The following LCLAT1 variants were observed in gnomAD, a reference collection of about 807,000 sequenced individuals.
The protein encoded by LCLAT1 is 1-AGP acyltransferase 8.
LCLAT1 carries 11 observed loss-of-function variants against 30.7 expected under a neutral mutation model. That is an observed-to-expected ratio of 0.36 (90% CI 0.23 to 0.59). The LOEUF is 0.59. LCLAT1 is among the 20% of genes least tolerant of loss of function. The pLI is 0.77. For synonymous variants in LCLAT1, 155 were observed against 151.3 expected (o/e 1.02, Z -0.18); for missense variants, 402 against 458.6 (o/e 0.88, Z 1.13).
chr2:30,578,875 CACA>C (rs1186158115), intron 5 of LCLAT1, among the ~76,000 whole-genome samples: 48 of 151,922 alleles, frequency 3.2e-4, no homozygotes, highest in African/African-American at 1.1e-3. Flanking sequence ...TCTTAATGAC[CACA>C]ACAAGTTCAT....
chr2:30,468,544 A>C (rs918431091), intron 1 of LCLAT1, among the ~76,000 whole-genome samples: 4 of 152,158 alleles, frequency 2.6e-5, no homozygotes, highest in Non-Finnish European at 5.9e-5. Flanking sequence ...ATTGAGGTGA[A>C]ATTTACTGTA....
At chr2:30,556,284 A>AT (rs1664915009) in intron 3 of LCLAT1, among the ~76,000 whole-genome samples, 1 of 152,166 alleles carries the variant, frequency 6.6e-6, no homozygotes, top group African/African-American at 2.4e-5. Context: ...ATTTCATGTA[A>AT]TTTTTTCATA....
At chr2:30,461,300 AC>A (rs1331654329) in intron 1 of LCLAT1, among the ~76,000 whole-genome samples, 1 of 152,092 alleles carries the variant, frequency 6.6e-6, no homozygotes, top group African/African-American at 2.4e-5. Flanking sequence ...CAGTGTGCTT[AC>A]CCTTTGACAG....
intron 5 of LCLAT1, 36 bp from the exon 6 acceptor site, chr2:30,640,081 C>G: frequency 6.5e-7 from 1 of 1,544,042 alleles, no homozygotes; most frequent in Non-Finnish European, 8.8e-7. Flanking sequence ...AAATTGAGCA[C>G]TGCTTAATCT....
At chr2:30,560,089 G>A (rs1665124498) in intron 3 of LCLAT1, among the ~76,000 whole-genome samples, 1 of 152,160 alleles carries the variant, frequency 6.6e-6, no homozygotes, top group East Asian at 1.9e-4. Context: ...GTCCTCAGAT[G>A]AAGGACAGAT....
intron 3 of LCLAT1, among the ~76,000 whole-genome samples, chr2:30,542,825 T>A (rs1247729779): frequency 6.6e-6 from 1 of 152,158 alleles, no homozygotes; most frequent in Admixed American, 6.5e-5. Flanking sequence ...GCAGTTGATT[T>A]TTGTATCCTG....
At chr2:30,447,518 C>T (rs1248782940) in intron 1 of LCLAT1, 135 bp downstream of exon 1, 6 of 152,266 alleles carry the variant, frequency 3.9e-5, no homozygotes, top group African/African-American at 4.8e-5. Context: ...CGGGCCGCGA[C>T]CTCGGGTAAC....
chr2:30,505,609 C>G (rs1212129365), intron 1 of LCLAT1, among the ~76,000 whole-genome samples: 3 of 151,978 alleles, frequency 2.0e-5, no homozygotes, highest in Admixed American at 2.0e-4. Context: ...AGTGAATGCA[C>G]CCTGTGTAAC....
intron 1 of LCLAT1, among the ~76,000 whole-genome samples, chr2:30,519,650 C>T (rs374919982): frequency 1.1e-3 from 166 of 152,256 alleles, no homozygotes; most frequent in South Asian, 3.9e-3. Flanking sequence ...ACTAAAATGC[C>T]CATTAGGCTA....
intron 4 of LCLAT1, 70 bp from the exon 5 acceptor site, chr2:30,567,990 T>C: frequency 1.3e-6 from 1 of 757,680 alleles, no homozygotes; most frequent in Non-Finnish European, 2.2e-6. Context: ...AAAAAAATTC[T>C]GCACTTCTTT....
chr2:30,628,689 A>G (rs1668627968), intron 5 of LCLAT1, among the ~76,000 whole-genome samples: 1 of 152,216 alleles, frequency 6.6e-6, no homozygotes, highest in African/African-American at 2.4e-5. Context: ...CCATAATTGA[A>G]ATACCAACTT....
At chr2:30,634,713 T>C (rs1651038841) in intron 5 of LCLAT1, among the ~76,000 whole-genome samples, 1 of 152,270 alleles carries the variant, frequency 6.6e-6, no homozygotes, top group Non-Finnish European at 1.5e-5. Flanking sequence ...GTTGTTTTCA[T>C]GCCAAAAGAT....
At chr2:30,639,383 T>TGACTGCTGAAAACGC (rs74765547) in intron 5 of LCLAT1, among the ~76,000 whole-genome samples, 1 of 152,080 alleles carries the variant, frequency 6.6e-6, no homozygotes, top group Non-Finnish European at 1.5e-5. Context: ...CTCTGGCCTG[T>TGACTGCTGAAAACGC]TTAAGTGAAA....
intron 3 of LCLAT1, among the ~76,000 whole-genome samples, chr2:30,534,616 C>G (rs1429766207): frequency 6.6e-6 from 1 of 152,172 alleles, no homozygotes; most frequent in Admixed American, 6.5e-5. Flanking sequence ...ATATCTTTAT[C>G]TTTCTCTTTG....
chr2:30,544,067 G>GT (rs775691326), intron 3 of LCLAT1, among the ~76,000 whole-genome samples: 9 of 152,032 alleles, frequency 5.9e-5, no homozygotes, highest in African/African-American at 1.4e-4. Context: ...TGCTATAGTT[G>GT]TGTGTTGTAT....
chr2:30,483,658 A>G (rs1368052631), intron 1 of LCLAT1, among the ~76,000 whole-genome samples: 1 of 152,186 alleles, frequency 6.6e-6, no homozygotes, highest in African/African-American at 2.4e-5. Flanking sequence ...GCAAACCCAC[A>G]TTCATACATT....
At chr2:30,601,575 C>A (rs529174944) in intron 5 of LCLAT1, among the ~76,000 whole-genome samples, 1 of 151,988 alleles carries the variant, frequency 6.6e-6, no homozygotes, top group African/African-American at 2.4e-5. Context: ...CAGTTGATAT[C>A]CCACCAACAA....
At chr2:30,503,670 T>A (rs829663) in intron 1 of LCLAT1, among the ~76,000 whole-genome samples, 109,073 of 152,140 alleles carry the variant, frequency 0.72, 40,546 homozygotes, top group East Asian at 0.87. Context: ...AAAATGGTGA[T>A]ATTTTTAAAA....
chr2:30,521,507 T>G (rs1685474712), intron 1 of LCLAT1, among the ~76,000 whole-genome samples: 1 of 124,094 alleles, frequency 8.1e-6, no homozygotes. Context: ...TTTTTTTTTT[T>G]TTTTTTTTTT....
Sources: allele counts gnomAD v4.1 joint callset (sites outside exome capture counted in the v4.1 genomes callset), GRCh38; gene constraint gnomAD v4.1.1; transcripts MANE v1.5; gene names NCBI Gene and HGNC (gene_info 2026-07-23, HGNC 2026-07-21).